SLC9B1: variants seen among roughly 807,000 people sequenced by gnomAD.
The protein encoded by SLC9B1 is sodium/hydrogen exchanger 9B1.
Under a neutral mutation model 51.7 loss-of-function variants are expected in SLC9B1, and 32 were observed. That is an observed-to-expected ratio of 0.62 (90% CI 0.47 to 0.83). SLC9B1 has a LOEUF of 0.83. Among genes scored for constraint, SLC9B1 ranks in the 40% least tolerant of loss-of-function variants. SLC9B1 has a pLI of 0.00. For synonymous variants in SLC9B1, 145 were observed against 212.7 expected (o/e 0.68, Z 2.77); for missense variants, 406 against 613.2 (o/e 0.66, Z 3.57).
chr4:102,987,110 G>A (rs192802231), intron 3 of SLC9B1, among the ~76,000 whole-genome samples: 1 of 152,232 alleles, frequency 6.6e-6, no homozygotes, highest in Admixed American at 6.5e-5. Context: ...TGTGTGTGTT[G>A]GGGGTGGGGA....
intron 3 of SLC9B1, among the ~76,000 whole-genome samples, chr4:102,971,018 G>T (rs1215485453): frequency 6.6e-6 from 1 of 152,090 alleles, no homozygotes; most frequent in Non-Finnish European, 1.5e-5. Flanking sequence ...AAGAGACCTA[G>T]ACATCCACAC....
chr4:102,905,418 A>T (rs555279926), intron 11 of SLC9B1, 96 bp downstream of exon 11: 1 of 1,198,666 alleles, frequency 8.3e-7, no homozygotes, highest in South Asian at 1.4e-5. Context: ...AGTAAGGATA[A>T]TAGCTCATAT....
At chr4:102,908,890 AAAG>A (rs1380325149) in intron 9 of SLC9B1, among the ~76,000 whole-genome samples, 1 of 152,294 alleles carries the variant, frequency 6.6e-6, no homozygotes, top group Non-Finnish European at 1.5e-5. Context: ...AAAAATGGTC[AAAG>A]AAGATCATAG....
chr4:102,941,287 G>C (rs1412565266), intron 6 of SLC9B1, among the ~76,000 whole-genome samples: 1 of 151,932 alleles, frequency 6.6e-6, no homozygotes, highest in Non-Finnish European at 1.5e-5. Context: ...AAAGAACTTA[G>C]AAAAATCAAC....
intron 11 of SLC9B1, among the ~76,000 whole-genome samples, chr4:102,903,253 GGAGA>G (rs1329245170): frequency 1.3e-5 from 2 of 152,134 alleles, no homozygotes; most frequent in Non-Finnish European, 2.9e-5. Flanking sequence ...ATTGTTGGAA[GGAGA>G]GAGAACAGAT....
At chr4:102,982,187 T>C (rs1739398154) in intron 3 of SLC9B1, among the ~76,000 whole-genome samples, 1 of 152,170 alleles carries the variant, frequency 6.6e-6, no homozygotes, top group Admixed American at 6.6e-5. Context: ...GTATTGCCTT[T>C]ATTCCTTTGT....
chr4:102,971,994 A>C (rs1738787642), intron 3 of SLC9B1, among the ~76,000 whole-genome samples: 1 of 152,160 alleles, frequency 6.6e-6, no homozygotes, highest in Admixed American at 6.5e-5. Flanking sequence ...TGAGGCAATA[A>C]TTAATTAGCC....
intron 10 of SLC9B1, 178 bp downstream of exon 10, chr4:102,906,356 TAA>T (rs944226930): frequency 1.7e-5 from 6 of 346,170 alleles, no homozygotes; most frequent in South Asian, 9.4e-5. Context: ...CCTTGGTTTA[TAA>T]AAAAAAAAGA....
downstream of SLC9B1, chr4:102,898,330 G>A (rs776708782): frequency 3.2e-6 from 1 of 309,518 alleles, no homozygotes; most frequent in Non-Finnish European, 6.2e-6. Flanking sequence ...GAAAAAATTT[G>A]TAAAGTATAA....
At chr4:102,976,431 A>G (rs1386239840) in intron 3 of SLC9B1, among the ~76,000 whole-genome samples, 1 of 152,234 alleles carries the variant, frequency 6.6e-6, no homozygotes, top group African/African-American at 2.4e-5. Flanking sequence ...TTGAAGCAAT[A>G]ACTAATTTAT....
chr4:102,916,583 G>T (rs956569905), intron 7 of SLC9B1, among the ~76,000 whole-genome samples: 1 of 152,098 alleles, frequency 6.6e-6, no homozygotes, highest in Non-Finnish European at 1.5e-5. Context: ...AGACCAATTG[G>T]ACCTATCTGA....
At chr4:102,939,150 A>G (rs1736864182) in intron 6 of SLC9B1, among the ~76,000 whole-genome samples, 2 of 151,650 alleles carry the variant, frequency 1.3e-5, no homozygotes, top group African/African-American at 4.8e-5. Context: ...AAGGAAAAAA[A>G]AAAAAGAGAG....
Position 102,911,780 on chromosome 4 carries a change from C to A in SLC9B1, c.830-243G>T, listed in dbSNP as rs140393680. Among the ~76,000 whole-genome samples the A allele has an allele frequency of 1.3e-3, 198 of 151,910 alleles. 1 individual carries two copies. Among genetic ancestry groups the A allele is most frequent in the African/African-American group, 4.7e-3 (195 of 41,414 alleles). On this transcript the variant is annotated intron_variant, in intron 7 of 11. Transcript: ENST00000296422. ...CAGAAATGTCCATTATGTAAATAGG[C>A]CAGAAAACAAAGACTTAACAAGCAC...
At chr4:102,943,738 T>C (rs564133469) in intron 6 of SLC9B1, among the ~76,000 whole-genome samples, 1 of 152,080 alleles carries the variant, frequency 6.6e-6, no homozygotes, top group South Asian at 2.1e-4. Context: ...TTTGGGGACT[T>C]AGGGGGAAGA....
At chr4:102,966,990 C>A (rs979739684) in intron 3 of SLC9B1, among the ~76,000 whole-genome samples, 10 of 152,192 alleles carry the variant, frequency 6.6e-5, no homozygotes, top group Non-Finnish European at 1.5e-4. Context: ...TTCCACAAAA[C>A]CTTAGGGCAC....
intron 7 of SLC9B1, among the ~76,000 whole-genome samples, chr4:102,927,332 CA>C (rs1402772535): frequency 6.6e-6 from 1 of 151,806 alleles, no homozygotes; most frequent in African/African-American, 2.4e-5. Flanking sequence ...GAATGGGAGA[CA>C]AATTGCGATC....
At chr4:102,996,715 A>G (rs1004174043) in intron 1 of SLC9B1, among the ~76,000 whole-genome samples, 1 of 152,124 alleles carries the variant, frequency 6.6e-6, no homozygotes, top group Non-Finnish European at 1.5e-5. Context: ...TCACACATAT[A>G]TGAATTTATT....
intron 6 of SLC9B1, among the ~76,000 whole-genome samples, chr4:102,936,499 T>A (rs1274024387): frequency 6.6e-6 from 1 of 152,132 alleles, no homozygotes; most frequent in Non-Finnish European, 1.5e-5. Flanking sequence ...CCAAATAATC[T>A]AAGGAATCCA....
intron 11 of SLC9B1, among the ~76,000 whole-genome samples, chr4:102,895,403 A>C (rs1302693698): frequency 6.6e-6 from 1 of 152,112 alleles, no homozygotes; most frequent in Admixed American, 6.5e-5. Flanking sequence ...GAACAGGAAC[A>C]CCTATGTGGA....
Sources: allele counts gnomAD v4.1 joint callset (sites outside exome capture counted in the v4.1 genomes callset), GRCh38; gene constraint gnomAD v4.1.1; transcripts MANE v1.5; gene names NCBI Gene and HGNC (gene_info 2026-07-23, HGNC 2026-07-21).